Variants in MLPH observed in about 807,000 individuals in gnomAD.
MLPH encodes the protein melanophilin, also known as exophilin-3.
Under a neutral mutation model 72.1 loss-of-function variants are expected in MLPH, and 51 were observed. The ratio of observed to expected loss-of-function variants is 0.71; its 90% confidence interval spans 0.56 to 0.89. The LOEUF is 0.89. Ranked by LOEUF, MLPH falls within the 40% of genes least tolerant of loss-of-function variation. The pLI, the probability that MLPH is intolerant of heterozygous loss-of-function variation, is 0.00. For synonymous variants in MLPH, 301 were observed against 310.1 expected (o/e 0.97, Z 0.31); for missense variants, 743 against 759.9 (o/e 0.98, Z 0.26).
chr2:237,554,158 C>T lies in MLPH; in HGVS notation c.*566C>T, dbSNP rs747324137. On this transcript the variant is annotated 3_prime_UTR_variant, in exon 16 of 16. Transcript: ENST00000264605. The stretch of plus-strand genomic sequence containing the variant: ...CCCCAGTCCCCACCCTACGTGCACC[C>T]GCTCTGCAAGTTCCCATGTGATCTG... 5.5e-5 allele frequency: 13 copies of T among 234,292 alleles called. No individual in the cohort carries two copies. The highest frequency in any genetic ancestry group is 1.5e-4 in the Admixed American group (3 of 20,206). The allele number at this position is 234,292 out of a possible 1,614,324, so 14.5% of individuals were successfully genotyped here. A position where few individuals can be genotyped will look rare whatever the true frequency, so the allele number is the denominator to read the frequency against.
intron 14 of MLPH, among the ~76,000 whole-genome samples, chr2:237,550,721 G>A (rs536220066): frequency 6.6e-6 from 1 of 152,050 alleles, no homozygotes; most frequent in Admixed American, 6.6e-5. Context: ...GGCTAATTTT[G>A]TATCTTTAGT....
chr2:237,551,658 T>G (rs1326858857), intron 14 of MLPH, among the ~76,000 whole-genome samples: 1 of 152,198 alleles, frequency 6.6e-6, no homozygotes, highest in East Asian at 1.9e-4. Context: ...CTGAGACCCC[T>G]TGGGCTGTTG....
chr2:237,511,323 A>T, intron 4 of MLPH: 1 of 468,326 alleles, frequency 2.1e-6, no homozygotes. Flanking sequence ...TGTTTCCCAG[A>T]CTGGCCTCGA....
chr2:237,525,884 G>C, intron 7 of MLPH, 79 bp downstream of exon 7: 1 of 1,378,954 alleles, frequency 7.3e-7, no homozygotes, highest in South Asian at 1.2e-5. Context: ...CCACCACCCT[G>C]ACCTATCCAA....
intron 6 of MLPH, 24 bp from the exon 7 acceptor site, chr2:237,525,577 A>G (rs2080284499): frequency 2.5e-6 from 4 of 1,612,732 alleles, no homozygotes; most frequent in Non-Finnish European, 3.4e-6. Flanking sequence ...CCTGCAGAGG[A>G]GGCTGACAGC....
chr2:237,525,868 A>G (rs1479633528), intron 7 of MLPH, 63 bp downstream of exon 7: 1 of 1,493,498 alleles, frequency 6.7e-7, no homozygotes, highest in Non-Finnish European at 9.2e-7. Context: ...TCACTGAGGA[A>G]CAACCCCACC....
chr2:237,520,172 G>A (rs747251754), intron 6 of MLPH, 143 bp downstream of exon 6: 3 of 1,088,078 alleles, frequency 2.8e-6, no homozygotes, highest in Non-Finnish European at 4.0e-6. Context: ...TGACAGGGAA[G>A]GGGACCGATG....
chr2:237,497,617 G>T (rs1482424013), intron 2 of MLPH, among the ~76,000 whole-genome samples: 4 of 152,222 alleles, frequency 2.6e-5, no homozygotes, highest in African/African-American at 4.8e-5. Flanking sequence ...TAGAAAAAAG[G>T]CTCTGGTTCT....
At chr2:237,539,730 C>A (rs1047532039) in intron 9 of MLPH, among the ~76,000 whole-genome samples, 51 of 152,274 alleles carry the variant, frequency 3.3e-4, no homozygotes, top group African/African-American at 1.1e-3. Context: ...ATACTGCTAT[C>A]ACCACCATTT....
At chr2:237,494,845 C>T (rs545417354) in intron 2 of MLPH, among the ~76,000 whole-genome samples, 61 of 152,268 alleles carry the variant, frequency 4.0e-4, no homozygotes, top group Non-Finnish European at 7.1e-4. Flanking sequence ...TATGGTGAAA[C>T]GGATGAAAGG....
At chr2:237,517,371 G>T (rs181524324) in intron 4 of MLPH, among the ~76,000 whole-genome samples, 16 of 151,608 alleles carry the variant, frequency 1.1e-4, no homozygotes, top group Admixed American at 8.5e-4. Flanking sequence ...AGGTGGATAG[G>T]TGGATGGATG....
intron 9 of MLPH, among the ~76,000 whole-genome samples, chr2:237,540,010 C>T (rs1255644320): frequency 6.6e-6 from 1 of 152,224 alleles, no homozygotes; most frequent in Non-Finnish European, 1.5e-5. Flanking sequence ...CCACACCCCT[C>T]TCTCCTCATC....
intron 4 of MLPH, among the ~76,000 whole-genome samples, chr2:237,516,731 C>T (rs1342914748): frequency 6.6e-6 from 1 of 151,752 alleles, no homozygotes; most frequent in South Asian, 2.1e-4. Context: ...AGAGAGCCTT[C>T]GCTGGATGTT....
At chr2:237,534,794 C>A in intron 9 of MLPH, 147 bp downstream of exon 9, 1 of 707,172 alleles carries the variant, frequency 1.4e-6, no homozygotes. Context: ...CTCAGAGAGC[C>A]AGGCAGTTCC....
chr2:237,552,871 T>A (rs1448860036), intron 15 of MLPH, among the ~76,000 whole-genome samples: 1 of 152,232 alleles, frequency 6.6e-6, no homozygotes, highest in Non-Finnish European at 1.5e-5. Context: ...GTGTGTGTAC[T>A]GTGTGCATGC....
chr2:237,504,202 T>C (rs1005649964), intron 2 of MLPH, among the ~76,000 whole-genome samples: 8 of 152,148 alleles, frequency 5.3e-5, no homozygotes, highest in Non-Finnish European at 1.0e-4. Context: ...ATTGTTTTTG[T>C]ATTGTGTTTA....
intron 4 of MLPH, among the ~76,000 whole-genome samples, chr2:237,515,420 C>T (rs1043457394): frequency 3.3e-5 from 5 of 152,170 alleles, no homozygotes; most frequent in African/African-American, 4.8e-5. Flanking sequence ...TGAATAGGGA[C>T]ACTTGTGCCT....
At chr2:237,495,244 G>T (rs140124897) in intron 2 of MLPH, among the ~76,000 whole-genome samples, 1 of 152,086 alleles carries the variant, frequency 6.6e-6, no homozygotes, top group African/African-American at 2.4e-5. Context: ...GGAACTGCCC[G>T]TATCATCCAG....
intron 9 of MLPH, among the ~76,000 whole-genome samples, chr2:237,539,074 G>A (rs1339602257): frequency 2.6e-5 from 4 of 152,186 alleles, no homozygotes; most frequent in African/African-American, 9.7e-5. Flanking sequence ...GGCTGGAGCC[G>A]GACGTAGTGG....
Sources: gnomAD v4.1 joint callset for allele counts (sites outside exome capture counted in the v4.1 genomes callset) on GRCh38, gnomAD v4.1.1 for gene constraint, MANE v1.5 for transcripts, NCBI Gene and HGNC (gene_info 2026-07-23, HGNC 2026-07-21) for gene names.